Variants in KHDRBS2 observed in about 807,000 individuals in gnomAD.
KHDRBS2 encodes KH RNA binding domain containing, signal transduction associated 2.
Under a neutral mutation model 44.3 loss-of-function variants are expected in KHDRBS2, and 26 were observed. The observed-to-expected ratio is 0.59, with a 90% CI of 0.43 to 0.81. The LOEUF (loss-of-function observed/expected upper bound fraction) is 0.81, where lower values mean the gene tolerates loss of function less well. Ranked by LOEUF, KHDRBS2 falls within the 40% of genes least tolerant of loss-of-function variation. The probability of loss-of-function intolerance (pLI) is 0.00; values close to 1 mark genes in which losing one functional copy is unlikely to be tolerated. For missense variants in KHDRBS2, 476 were observed against 433.1 expected, an observed-to-expected ratio of 1.10 and a Z score of -0.88; for synonymous variants, 194 against 151.1, an observed-to-expected ratio of 1.28 and a Z score of -2.08.
the KHDRBS2 span, among the ~76,000 whole-genome samples, chr6:61,558,868 C>T: frequency 2.0e-5 from 3 of 152,074 alleles, no homozygotes; most frequent in Non-Finnish European, 2.9e-5. Flanking sequence ...GAGTCATATG[C>T]TGAGGAAAGG....
At chr6:61,620,085 C>T in the KHDRBS2 span, among the ~76,000 whole-genome samples, 1 of 151,914 alleles carries the variant, frequency 6.6e-6, no homozygotes, top group Non-Finnish European at 1.5e-5. Flanking sequence ...GGCTATTTCC[C>T]CTCAAAACTC....
chr6:61,666,659 G>A, the KHDRBS2 span, among the ~76,000 whole-genome samples: 1 of 151,390 alleles, frequency 6.6e-6, no homozygotes, highest in African/African-American at 2.4e-5. Context: ...GTAAGCCTAA[G>A]ACTTTGAAAT....
intron 3 of KHDRBS2, among the ~76,000 whole-genome samples, chr6:61,997,395 C>T (rs918003496): frequency 1.4e-4 from 21 of 152,140 alleles, no homozygotes; most frequent in African/African-American, 5.1e-4. Flanking sequence ...ACATGTATTG[C>T]TGGATGCTCG....
At chr6:61,942,524 A>G (rs1004466734) in intron 4 of KHDRBS2, among the ~76,000 whole-genome samples, 25 of 152,122 alleles carry the variant, frequency 1.6e-4, no homozygotes, top group African/African-American at 5.5e-4. Context: ...AAATAACCCA[A>G]TGAGGCAAAA....
intron 2 of KHDRBS2, among the ~76,000 whole-genome samples, chr6:62,137,411 C>T (rs749499937): frequency 6.6e-6 from 1 of 152,118 alleles, no homozygotes; most frequent in Non-Finnish European, 1.5e-5. Context: ...TCATTTTAGA[C>T]ATTTAATTTC....
chr6:61,970,840 T>G (rs959340436), intron 4 of KHDRBS2, among the ~76,000 whole-genome samples: 13 of 152,092 alleles, frequency 8.5e-5, no homozygotes, highest in African/African-American at 3.1e-4. Context: ...TACAAGGAGA[T>G]GAATGAGTAT....
chr6:61,644,213 C>G, the KHDRBS2 span, among the ~76,000 whole-genome samples: 1 of 152,136 alleles, frequency 6.6e-6, no homozygotes, highest in Non-Finnish European at 1.5e-5. Context: ...GAAAGGACTC[C>G]TGATTCAAAA....
intron 6 of KHDRBS2, among the ~76,000 whole-genome samples, chr6:61,892,609 C>T (rs1802087737): frequency 6.6e-6 from 1 of 152,108 alleles, no homozygotes; most frequent in Non-Finnish European, 1.5e-5. Context: ...ATATCTACAA[C>T]TATCTGATCT....
At chr6:62,089,541 C>T (rs564362453) in intron 2 of KHDRBS2, among the ~76,000 whole-genome samples, 62 of 152,218 alleles carry the variant, frequency 4.1e-4, no homozygotes, top group Middle Eastern at 6.8e-3. Context: ...TTCTGCTCGC[C>T]CTCCTTGGGC....
chr6:61,720,511 C>T (rs553231239), intron 7 of KHDRBS2, among the ~76,000 whole-genome samples: 152 of 152,248 alleles, frequency 1.0e-3, no homozygotes, highest in Admixed American at 2.4e-3. Context: ...TTTTGATTTG[C>T]ATTTCTCTGA....
At chr6:61,907,850 C>G (rs902642043) in intron 4 of KHDRBS2, among the ~76,000 whole-genome samples, 1 of 152,134 alleles carries the variant, frequency 6.6e-6, no homozygotes, top group African/African-American at 2.4e-5. Flanking sequence ...ACTAGAACAT[C>G]CTGTTGATGT....
chr6:61,676,558 A>G (rs1765956217), downstream of KHDRBS2, among the ~76,000 whole-genome samples: 2 of 151,952 alleles, frequency 1.3e-5, no homozygotes, highest in South Asian at 4.1e-4. Flanking sequence ...GCACTGGTCT[A>G]TGTTGAAGCT....
chr6:62,005,555 A>G (rs1351674254), intron 3 of KHDRBS2, among the ~76,000 whole-genome samples: 1 of 151,860 alleles, frequency 6.6e-6, no homozygotes, highest in African/African-American at 2.4e-5. Flanking sequence ...TAGACTTACA[A>G]AAGAGAAAGG....
At chr6:62,021,814 C>T (rs1181993498) in intron 3 of KHDRBS2, among the ~76,000 whole-genome samples, 1 of 151,404 alleles carries the variant, frequency 6.6e-6, no homozygotes, top group Non-Finnish European at 1.5e-5. Flanking sequence ...TTGCCTCACA[C>T]ATTTTTCTAC....
chr6:61,544,924 C>T, the KHDRBS2 span, among the ~76,000 whole-genome samples: 1 of 151,950 alleles, frequency 6.6e-6, no homozygotes, highest in African/African-American at 2.4e-5. Context: ...ACACTGGGGC[C>T]TGTTGTGAGG....
chr6:61,551,821 C>A, the KHDRBS2 span, among the ~76,000 whole-genome samples: 1 of 151,650 alleles, frequency 6.6e-6, no homozygotes, highest in African/African-American at 2.4e-5. Flanking sequence ...GCTCTTTTTG[C>A]TTAGGATTGC....
rs539098003 is a variant in KHDRBS2, at chr6:62,079,610, G to T, written c.220-31616C>A. Among the ~76,000 whole-genome samples, 9 of 152,102 alleles carry T rather than the reference G, an allele frequency of 5.9e-5. No individual in the cohort carries two copies. The South Asian group carries it at 1.9e-3, about 32-fold the overall frequency. On this transcript the variant is annotated intron_variant, in intron 2 of 8. Coordinates refer to ENST00000281156, the MANE Select transcript of KHDRBS2 (RefSeq NM_152688.4). ...GGAATTTCACTGACAAAGCAAAATT[G>T]AAAATTTAATCCAACCTGTTTCAAA...
chr6:62,244,898 C>A (rs1056036251), intron 1 of KHDRBS2, among the ~76,000 whole-genome samples: 2 of 152,044 alleles, frequency 1.3e-5, no homozygotes, highest in Non-Finnish European at 2.9e-5. Context: ...AAATAAACAT[C>A]TGGACTTCAC....
At chr6:61,848,683 C>T (rs1184837975) in intron 6 of KHDRBS2, among the ~76,000 whole-genome samples, 6 of 145,634 alleles carry the variant, frequency 4.1e-5, no homozygotes, top group Middle Eastern at 3.5e-3. Flanking sequence ...GAAGTACTTT[C>T]CTGGTCACTG....
Sources: allele counts gnomAD v4.1 joint callset (sites outside exome capture counted in the v4.1 genomes callset), GRCh38; gene constraint gnomAD v4.1.1; transcripts MANE v1.5; gene names NCBI Gene and HGNC (gene_info 2026-07-23, HGNC 2026-07-21).